MDM4: variants seen among roughly 807,000 people sequenced by gnomAD.
MDM4 encodes the protein MDM4 regulator of p53, also known as protein Mdm4.
In MDM4, 2 loss-of-function variants were observed where a neutral mutation model predicts 60.2. The ratio of observed to expected loss-of-function variants is 0.03; its 90% confidence interval spans 0.01 to 0.10. The LOEUF (loss-of-function observed/expected upper bound fraction) is 0.10, where lower values mean the gene tolerates loss of function less well. Among genes scored for constraint, MDM4 ranks in the 10% least tolerant of loss-of-function variants. MDM4 has a pLI of 1.00. For synonymous variants in MDM4, 202 were observed against 198.1 expected (o/e 1.02, Z -0.17); for missense variants, 447 against 577.5 (o/e 0.77, Z 2.32).
intron 3 of MDM4, chr1:204,529,523 T>C (rs1660626421): frequency 6.6e-7 from 1 of 1,508,046 alleles, no homozygotes; most frequent in Non-Finnish European, 9.0e-7. Flanking sequence ...TACCAGCTGG[T>C]GGTCCATAAG....
Position 204,550,631 on chromosome 1 carries a change from G to C in MDM4, c.*949G>C, listed in dbSNP as rs1030356127. 1.1e-5 allele frequency: 2 copies of C among 175,958 alleles called. No individual in the cohort carries two copies. The highest frequency in any genetic ancestry group is 1.9e-4 in the East Asian group (2 of 10,608). The allele number at this position is 175,958 out of a possible 1,614,324, so 10.9% of individuals were successfully genotyped here. A position where few individuals can be genotyped will look rare whatever the true frequency, so the allele number is the denominator to read the frequency against. Reference sequence around the variant, plus strand: ...AGCTGGAGTGCAGTGGTGCAAACACGGCCCACCTCCTGGGCTCAAGTGATC... The same window carrying C: ...AGCTGGAGTGCAGTGGTGCAAACACCGCCCACCTCCTGGGCTCAAGTGATC... On this transcript the variant is annotated 3_prime_UTR_variant, in exon 11 of 11. Coordinates refer to ENST00000367182, the MANE Select transcript of MDM4 (RefSeq NM_002393.5).
chr1:204,523,473 A>T (rs1220484909), intron 1 of MDM4, among the ~76,000 whole-genome samples: 77 of 58,964 alleles, frequency 1.3e-3, no homozygotes, highest in African/African-American at 4.0e-3. Context: ...CCTAAAAAAA[A>T]TTTTTTTTTT....
intron 9 of MDM4, among the ~76,000 whole-genome samples, chr1:204,545,801 A>G (rs1052187715): frequency 5.9e-5 from 9 of 152,184 alleles, no homozygotes; most frequent in Admixed American, 5.9e-4. Flanking sequence ...AGCTGGGGTC[A>G]CAGGCATGTG....
At chr1:204,519,138 T>A (rs1442813035) in intron 1 of MDM4, among the ~76,000 whole-genome samples, 3 of 152,138 alleles carry the variant, frequency 2.0e-5, no homozygotes, top group African/African-American at 7.2e-5. Flanking sequence ...GACTAAACAG[T>A]GCAAGATAAG....
At chr1:204,540,805 G>T (rs1168553979) in intron 7 of MDM4, among the ~76,000 whole-genome samples, 1 of 151,998 alleles carries the variant, frequency 6.6e-6, no homozygotes, top group African/African-American at 2.4e-5. Flanking sequence ...TTAGTTTTTT[G>T]TTTCTGTTTT....
intron 1 of MDM4, among the ~76,000 whole-genome samples, chr1:204,517,409 TTTTG>T (rs1659096196): frequency 6.6e-6 from 1 of 151,954 alleles, no homozygotes; most frequent in African/African-American, 2.4e-5. Flanking sequence ...TTTGTTTTGT[TTTTG>T]TTTTTTTTGA....
chr1:204,534,318 A>G (rs1177812545), intron 5 of MDM4, among the ~76,000 whole-genome samples: 2 of 152,184 alleles, frequency 1.3e-5, no homozygotes, highest in African/African-American at 4.8e-5. Flanking sequence ...GATAGTCACT[A>G]AAGGTTTGAG....
At chr1:204,536,260 A>G (rs966813834) in intron 5 of MDM4, among the ~76,000 whole-genome samples, 2 of 152,196 alleles carry the variant, frequency 1.3e-5, no homozygotes, top group Non-Finnish European at 2.9e-5. Flanking sequence ...TCAAACAAAC[A>G]AAAAAATTGC....
rs181486149 is a variant in MDM4, at chr1:204,519,741, G to A, written c.-36+3232G>A. 1.2e-4 allele frequency among the ~76,000 whole-genome samples: 19 copies of A among 152,178 alleles called. No individual in the cohort carries two copies. The East Asian group carries it at 3.5e-3, about 28-fold the overall frequency. ...AGGTGGGAGGCTTGCTTGAGCTGGG[G>A]AGGTTGAGGTTGCAGTAAGCCATGA... is the stretch of plus-strand genomic sequence containing the variant. On this transcript the variant is annotated intron_variant, in intron 1 of 10. Coordinates refer to ENST00000367182, the MANE Select transcript of MDM4 (RefSeq NM_002393.5).
At position 204,524,473 on chromosome 1, in the gene MDM4, A is replaced by G. The variant is rs547351368; in HGVS notation, c.-35-1011A>G. On this transcript the variant is annotated intron_variant, in intron 1 of 10. Coordinates refer to ENST00000367182, the MANE Select transcript of MDM4 (RefSeq NM_002393.5). ...AAAGGCATAAATGAAGGTTAACTTAAGTTTATTTAAAAATCTATTTTCCGG... is the reference window on the plus strand; with the variant it reads ...AAAGGCATAAATGAAGGTTAACTTAGGTTTATTTAAAAATCTATTTTCCGG... Among the ~76,000 whole-genome samples the G allele has an allele frequency of 5.9e-5, 9 of 152,326 alleles. 1 individual carries two copies. The South Asian group carries it at 1.9e-3, about 32-fold the overall frequency.
chr1:204,531,129 G>A (rs898388), intron 4 of MDM4, among the ~76,000 whole-genome samples: 24,355 of 152,180 alleles, frequency 0.16, 2,343 homozygotes, highest in East Asian at 0.38. Context: ...GGGATTTAGA[G>A]TGTTAGAGGT....
chr1:204,557,554 C>T lies in MDM4; in HGVS notation c.*7872C>T, dbSNP rs1315077660. 1 of 171,790 alleles carries T rather than the reference C, an allele frequency of 5.8e-6. No homozygotes were observed. Among genetic ancestry groups the T allele is most frequent in the Non-Finnish European group, 1.3e-5 (1 of 79,346 alleles). 10.6% of individuals were successfully genotyped at this position (171,790 alleles called of 1,614,324 possible). ...AGTAGCTGGGACTACAGGCGTGCAC[C>T]ACCACACCTGGCTAATTTTGTATTT... On this transcript the variant is annotated 3_prime_UTR_variant, in exon 11 of 11. Coordinates refer to ENST00000367182, the MANE Select transcript of MDM4 (RefSeq NM_002393.5).
intron 1 of MDM4, among the ~76,000 whole-genome samples, chr1:204,522,015 A>G (rs1197096600): frequency 2.6e-5 from 4 of 152,144 alleles, no homozygotes; most frequent in Non-Finnish European, 2.9e-5. Flanking sequence ...AGCATAGACA[A>G]AAAGAAGGAT....
intron 3 of MDM4, among the ~76,000 whole-genome samples, chr1:204,530,055 T>C (rs1333422695): frequency 1.3e-5 from 2 of 152,100 alleles, no homozygotes; most frequent in Non-Finnish European, 2.9e-5. Flanking sequence ...TTTTGTATGT[T>C]ATGTAGAGAC....
At chr1:204,522,863 CTTTTTTTT>C (rs10711972) in intron 1 of MDM4, among the ~76,000 whole-genome samples, 1 of 141,414 alleles carries the variant, frequency 7.1e-6, no homozygotes, top group Admixed American at 7.0e-5. Flanking sequence ...TACTGATTGT[CTTTTTTTT>C]TTTTTTTTGA....
rs1451226438 is a variant in MDM4 at position 204,553,289 on chromosome 1, A to G, written c.*3607A>G. ...GGCATAGTTTATATGTGAAGTGTTC[A>G]GAGTTTACTGCTATAAGGAAACTTC... On this transcript the variant is annotated 3_prime_UTR_variant, in exon 11 of 11. Coordinates refer to ENST00000367182, the MANE Select transcript of MDM4 (RefSeq NM_002393.5). 6 of 209,774 alleles carry G rather than the reference A, an allele frequency of 2.9e-5. No individual in the cohort carries two copies. The highest frequency in any genetic ancestry group is 1.4e-4 in the African/African-American group (6 of 44,226). The allele number at this position is 209,774 out of a possible 1,614,324, so 13.0% of individuals were successfully genotyped here. A position where few individuals can be genotyped will look rare whatever the true frequency, so the allele number is the denominator to read the frequency against.
chr1:204,517,364 A>G (rs4252670), intron 1 of MDM4, among the ~76,000 whole-genome samples: 2,657 of 152,184 alleles, frequency 0.017, 81 homozygotes, highest in African/African-American at 0.059. Flanking sequence ...TGTATACCTT[A>G]AAGCTTGAAA....
At position 204,550,564 on chromosome 1, in the gene MDM4, G is replaced by GT. The variant is rs11285873; in HGVS notation, c.*897dup. 571 of 159,870 alleles carry GT rather than the reference G, an allele frequency of 3.6e-3. No homozygotes were observed. The highest frequency in any genetic ancestry group is 7.5e-3 in the Middle Eastern group (3 of 400). The allele number at this position is 159,870 out of a possible 1,614,324, so 9.9% of individuals were successfully genotyped here. A position where few individuals can be genotyped will look rare whatever the true frequency, so the allele number is the denominator to read the frequency against. ...TTGCATATTATATATGTGCTTTAAA[G>GT]TTTTTTTTTTTTTTTGAGAGACGGT... On this transcript the variant is annotated 3_prime_UTR_variant, in exon 11 of 11. Transcript: ENST00000367182.
chr1:204,535,960 C>T (rs1661365947), intron 5 of MDM4, among the ~76,000 whole-genome samples: 1 of 151,912 alleles, frequency 6.6e-6, no homozygotes, highest in Admixed American at 6.6e-5. Context: ...AATAGGATTG[C>T]TTTATTAAAG....
Sources: allele counts gnomAD v4.1 joint callset (sites outside exome capture counted in the v4.1 genomes callset), GRCh38; gene constraint gnomAD v4.1.1; transcripts MANE v1.5; gene names NCBI Gene and HGNC (gene_info 2026-07-23, HGNC 2026-07-21).